ZNF623: variants seen among roughly 807,000 people sequenced by gnomAD.
ZNF623 encodes the protein zinc finger protein 623.
Under a neutral mutation model 24.0 loss-of-function variants are expected in ZNF623, and 16 were observed. The observed-to-expected ratio is 0.67, with a 90% CI of 0.45 to 1.01. The LOEUF is 1.01. ZNF623 is among the 50% of genes least tolerant of loss of function. The probability of loss-of-function intolerance (pLI) is 0.00; values close to 1 mark genes in which losing one functional copy is unlikely to be tolerated. For missense variants in ZNF623, 566 were observed against 606.5 expected, an observed-to-expected ratio of 0.93 and a Z score of 0.70; for synonymous variants, 224 against 219.8, an observed-to-expected ratio of 1.02 and a Z score of -0.17.
chr8:143,650,224 A>T lies in ZNF623; in HGVS notation c.232A>T (p.Ile78Leu). ...SDLLLLQREL[I>L]EGEANPCDIC... ...CCTTCTTCTGCTTCAGAGAGAGCTC[A>T]TAGAGGGGGAAGCCAATCCTTGCGA... Residue 78 changes from isoleucine to leucine, a missense_variant, in exon 2 of 2, where the codon ATA becomes TTA. By Grantham distance (5) the Ile-to-Leu change is conservative. Coordinates refer to ENST00000526926, the MANE Select transcript of ZNF623 (RefSeq NM_001261843.2). This position sits in a 1 kb window ranked among gnomAD's most constrained non-coding sequence, Gnocchi z 5.2. 6.2e-7 allele frequency: 1 copy of T among 1,614,244 alleles called. No individual in the cohort carries two copies. Among genetic ancestry groups the T allele is most frequent in the Non-Finnish European group, 8.5e-7 (1 of 1,180,044 alleles).
chr8:143,650,238 C>T lies in ZNF623; in HGVS notation c.246C>T (p.Ala82=), dbSNP rs201415801. The stretch of plus-strand genomic sequence containing the variant: ...AGAGAGAGCTCATAGAGGGGGAAGC[C>T]AATCCTTGCGATATCTGTGGCAAAA... ...LLQRELIEGE[A]NPCDICGKTF... The change falls in exon 2 of 2, where the codon GCC becomes GCT. Residue 82 remains alanine, a synonymous_variant. Coordinates refer to ENST00000526926, the MANE Select transcript of ZNF623 (RefSeq NM_001261843.2). This position sits in a 1 kb window ranked among gnomAD's most constrained non-coding sequence, Gnocchi z 5.2. 3 of 1,614,218 alleles carry T rather than the reference C, an allele frequency of 1.9e-6. No individual in the cohort carries two copies. Among genetic ancestry groups the T allele is most frequent in the African/African-American group, 1.3e-5 (1 of 75,046 alleles).
intron 1 of ZNF623, among the ~76,000 whole-genome samples, chr8:143,637,406 G>C (rs1306754669): frequency 6.6e-6 from 1 of 152,152 alleles, no homozygotes; most frequent in African/African-American, 2.4e-5. Context: ...CTTGAGGCTG[G>C]AATTTCCCCT....
intron 1 of ZNF623, among the ~76,000 whole-genome samples, chr8:143,642,917 C>T (rs1331012833): frequency 2.0e-5 from 3 of 152,170 alleles, no homozygotes; most frequent in Non-Finnish European, 4.4e-5. Flanking sequence ...CCCCTTCTTC[C>T]AGTTACTCAT....
At chr8:143,638,969 TC>T (rs1814986961) in intron 1 of ZNF623, among the ~76,000 whole-genome samples, 3 of 151,682 alleles carry the variant, frequency 2.0e-5, no homozygotes, top group Non-Finnish European at 2.9e-5. Flanking sequence ...CTCAGCTCAT[TC>T]CACCCTCTGC....
Position 143,636,108 on chromosome 8 carries a change from G to C in ZNF623, c.-133G>C, listed in dbSNP as rs555462192. On this transcript the variant is annotated 5_prime_UTR_variant, in exon 1 of 2. Transcript: ENST00000526926. ...CGGCGGGGTCCAGTCAGCGGCTGCAGGGTCGGGCTCGCGCCGTCCTCTCCC... is the reference window on the plus strand; with the variant it reads ...CGGCGGGGTCCAGTCAGCGGCTGCACGGTCGGGCTCGCGCCGTCCTCTCCC... 3 of 152,284 alleles carry C rather than the reference G, an allele frequency of 2.0e-5. No individual in the cohort carries two copies. Among genetic ancestry groups the C allele is most frequent in the Admixed American group, 6.5e-5 (1 of 15,292 alleles). 9.4% of individuals were successfully genotyped at this position (152,284 alleles called of 1,614,324 possible). A position where few individuals can be genotyped will look rare whatever the true frequency, so the allele number is the denominator to read the frequency against.
At chr8:143,647,398 G>A (rs1349811482) in intron 1 of ZNF623, among the ~76,000 whole-genome samples, 4 of 152,092 alleles carry the variant, frequency 2.6e-5, no homozygotes, top group African/African-American at 7.2e-5. Context: ...TCCTGACCTC[G>A]TGGTCCGCCC....
chr8:143,645,555 T>G (rs1353684355), intron 1 of ZNF623, among the ~76,000 whole-genome samples: 1 of 152,242 alleles, frequency 6.6e-6, no homozygotes, highest in Admixed American at 6.5e-5. Context: ...GGATTCTGGC[T>G]TCCCCCCTTT....
At chr8:143,639,243 G>A (rs1814994050) in intron 1 of ZNF623, among the ~76,000 whole-genome samples, 13 of 151,120 alleles carry the variant, frequency 8.6e-5, no homozygotes, top group Admixed American at 8.6e-4. Flanking sequence ...TTGAGATGGA[G>A]TTTCGCTCTT....
Position 143,651,496 on chromosome 8 carries a change from C to A in ZNF623, c.*13C>A, listed in dbSNP as rs770191591. On this transcript the variant is annotated 3_prime_UTR_variant, in exon 2 of 2. Coordinates refer to ENST00000526926, the MANE Select transcript of ZNF623 (RefSeq NM_001261843.2). ...AGGTAACTTATAAAATAATTACTTT[C>A]CCGCCCAGTGAGTGATGTTTGGAAA... is the stretch of plus-strand genomic sequence containing the variant. The A allele has an allele frequency of 6.5e-6, 10 of 1,540,630 alleles. No individual in the cohort carries two copies. Among genetic ancestry groups the A allele is most frequent in the Non-Finnish European group, 8.7e-6 (10 of 1,147,890 alleles).
chr8:143,649,319 G>T (rs1053826115), intron 1 of ZNF623, among the ~76,000 whole-genome samples: 1 of 151,734 alleles, frequency 6.6e-6, no homozygotes, highest in Non-Finnish European at 1.5e-5. Flanking sequence ...CAGCAAGAGT[G>T]CAGGCACAAA....
intron 1 of ZNF623, among the ~76,000 whole-genome samples, chr8:143,639,336 G>A (rs1167127374): frequency 4.6e-5 from 7 of 152,100 alleles, no homozygotes; most frequent in Admixed American, 1.3e-4. Flanking sequence ...TCATTCTCCC[G>A]TCTCCGCCTC....
intron 1 of ZNF623, among the ~76,000 whole-genome samples, chr8:143,643,570 G>A (rs1466480591): frequency 2.0e-5 from 3 of 152,184 alleles, no homozygotes; most frequent in Non-Finnish European, 2.9e-5. Context: ...GCGTGAGGTC[G>A]CATAATTCCG....
At chr8:143,643,181 G>C (rs1815096911) in intron 1 of ZNF623, among the ~76,000 whole-genome samples, 3 of 152,218 alleles carry the variant, frequency 2.0e-5, no homozygotes, top group Admixed American at 2.0e-4. Flanking sequence ...AAGCACACAG[G>C]GTTCTTAGTC....
At position 143,645,239 on chromosome 8, in the gene ZNF623, C is replaced by T. The variant is rs575477758; in HGVS notation, c.-95-4659C>T. ...CGGGCGGATCACAAGGTCAGGAGAT[C>T]GAGACCATCCTGGCTAACGGTGAAA... is the stretch of plus-strand genomic sequence containing the variant. On this transcript the variant is annotated intron_variant, in intron 1 of 1. Transcript: ENST00000526926. Among the ~76,000 whole-genome samples the T allele has an allele frequency of 1.4e-4, 22 of 152,168 alleles. 1 individual carries two copies. The highest frequency in any genetic ancestry group is 5.9e-4 in the Admixed American group (9 of 15,296).
intron 1 of ZNF623, among the ~76,000 whole-genome samples, chr8:143,644,173 A>G (rs1815119151): frequency 6.6e-6 from 1 of 152,078 alleles, no homozygotes; most frequent in South Asian, 2.1e-4. Context: ...GGTGCATGCC[A>G]CCACACCTGG....
At position 143,653,227 on chromosome 8, in the gene ZNF623, C is replaced by T. The variant is rs1218125032; in HGVS notation, c.*1744C>T. The T allele has an allele frequency of 6.0e-6, 1 of 167,066 alleles. No homozygotes were observed. Among genetic ancestry groups the T allele is most frequent in the Admixed American group, 6.5e-5 (1 of 15,280 alleles). The allele number at this position is 167,066 out of a possible 1,614,324, so 10.3% of individuals were successfully genotyped here. On this transcript the variant is annotated 3_prime_UTR_variant, in exon 2 of 2. Transcript: ENST00000526926. The stretch of plus-strand genomic sequence containing the variant: ...GTTAGTCTTTACCTCTGAATTTCAT[C>T]TGGACATGAACCCCAAAGTCCAGTT...
chr8:143,650,085 C>T lies in ZNF623; in HGVS notation c.93C>T (p.Ser31=), dbSNP rs748689928. 2.5e-6 allele frequency: 4 copies of T among 1,614,116 alleles called. No homozygotes were observed. The highest frequency in any genetic ancestry group is 3.4e-6 in the Non-Finnish European group (4 of 1,180,018). ...CAGAAGGTCAGAGCCTGGGGAGTTCCCCCTCTCAGGACAGGGGCTGCAAGC... is the reference window on the plus strand; with the variant it reads ...CAGAAGGTCAGAGCCTGGGGAGTTCTCCCTCTCAGGACAGGGGCTGCAAGC... The part of the protein sequence containing the change: ...GNPEGQSLGS[S]PSQDRGCKQV... Residue 31 remains serine, a synonymous_variant, in exon 2 of 2, where the codon TCC becomes TCT. Transcript: ENST00000526926. This position sits in a 1 kb window ranked among gnomAD's most constrained non-coding sequence, Gnocchi z 5.2.
intron 1 of ZNF623, among the ~76,000 whole-genome samples, chr8:143,637,576 G>T (rs1319127289): frequency 6.6e-6 from 1 of 152,032 alleles, no homozygotes; most frequent in Non-Finnish European, 1.5e-5. Context: ...TTGAGACGGA[G>T]TCTTGCTCTG....
In ZNF623 at chr8:143,650,996, A is replaced by G. The variant is rs1249741757; in HGVS notation, c.1004A>G (p.Tyr335Cys). Reference protein sequence around the residue: ...HQRIHTGEKLYECNECGKAFF... With the variant: ...HQRIHTGEKLCECNECGKAFF... ...AGAATTCACACTGGAGAGAAACTCT[A>G]TGAATGTAACGAGTGTGGGAAAGCT... The change falls in exon 2 of 2, where the codon TAT (tyrosine) becomes TGT (cysteine). Residue 335 changes from tyrosine (Y) to cysteine (C), a missense_variant. Tyr to Cys is a radical substitution (Grantham distance 194). Around this residue, in one of 3 missense-constraint regions of ZNF623, gnomAD observed 117 missense variants for 174.2 expected, o/e 0.67. Coordinates refer to ENST00000526926, the MANE Select transcript of ZNF623 (RefSeq NM_001261843.2). This position sits in a 1 kb window ranked among gnomAD's most constrained non-coding sequence, Gnocchi z 5.2. The G allele has an allele frequency of 3.7e-6, 6 of 1,613,694 alleles. No homozygotes were observed. Among genetic ancestry groups the G allele is most frequent in the Non-Finnish European group, 5.1e-6 (6 of 1,179,922 alleles).
Sources: gnomAD v4.1 joint callset for allele counts (sites outside exome capture counted in the v4.1 genomes callset) on GRCh38, gnomAD v4.1.1 for gene constraint, gnomAD v4.1.1 regional missense constraint, Gnocchi (gnomAD v3.1) non-coding constraint, MANE v1.5 for transcripts, NCBI Gene and HGNC (gene_info 2026-07-23, HGNC 2026-07-21) for gene names.